Variants in IRAG1 observed in about 807,000 individuals in gnomAD.
The protein encoded by IRAG1 is IP3R-associated cGMP kinase substrate.
IRAG1 carries 62 observed loss-of-function variants against 106.2 expected under a neutral mutation model. The ratio of observed to expected loss-of-function variants is 0.58; its 90% CI spans 0.48 to 0.72. The LOEUF (loss-of-function observed/expected upper bound fraction) is 0.72. Among genes scored for constraint, IRAG1 ranks in the 30% least tolerant of loss-of-function variants. The pLI is 0.00. For missense variants in IRAG1, 1,064 were observed against 1,140.7 expected (o/e 0.93, Z 0.97); for synonymous variants, 462 against 443.9 (o/e 1.04, Z -0.51).
intron 1 of IRAG1, among the ~76,000 whole-genome samples, chr11:10,691,267 G>A (rs1862035519): frequency 6.6e-6 from 1 of 152,224 alleles, no homozygotes; most frequent in African/African-American, 2.4e-5. Flanking sequence ...CACTTCGTGT[G>A]CTCCCGGCAT....
rs534550951 is a variant in IRAG1, at chr11:10,606,866, G to A, written c.1572-94C>T. ...TGACCAGCAGACCATGTGTTTCCAG[G>A]GGTGGAGTAAGCTGTGTTGGTGAGA... is the stretch of plus-strand genomic sequence containing the variant. On this transcript the variant is annotated intron_variant, in intron 11 of 20. Transcript: ENST00000423302. 1,488 of 1,223,828 alleles carry A rather than the reference G, an allele frequency of 1.2e-3. 1 individual carries two copies. Among genetic ancestry groups the A allele is most frequent in the Non-Finnish European group, 1.4e-3 (1,227 of 884,674 alleles). 75.8% of individuals were successfully genotyped at this position (1,223,828 alleles called of 1,614,324 possible).
At chr11:10,672,319 CAAAAGA>C (rs1860299910) in intron 1 of IRAG1, among the ~76,000 whole-genome samples, 1 of 151,522 alleles carries the variant, frequency 6.6e-6, no homozygotes, top group Non-Finnish European at 1.5e-5. Flanking sequence ...ATGCAGGCAA[CAAAAGA>C]AAAAGTAAAT....
At position 10,576,541 on chromosome 11, in the gene IRAG1, T is replaced by G; in HGVS notation, c.2530A>C (p.Met844Leu). The G allele has an allele frequency of 6.2e-7, 1 of 1,614,026 alleles. No homozygotes were observed. The highest frequency in any genetic ancestry group is 8.5e-7 in the Non-Finnish European group (1 of 1,179,902). The stretch of plus-strand genomic sequence containing the variant: ...CAGTGCTGACACAGTTTGGGATACA[T>G]GACTTGTAAGAAATGGACCAATTCT... ...LEELVHFLQVMYPKLCQHWQV... is the reference protein window; with the variant it reads ...LEELVHFLQVLYPKLCQHWQV... Residue 844 changes from methionine (M) to leucine (L), a missense_variant, in exon 21 of 21, where the codon ATG (methionine) becomes CTG (leucine). Physicochemically the swap from Met to Leu is conservative, Grantham distance 15. Coordinates refer to ENST00000423302, the MANE Select transcript of IRAG1 (RefSeq NM_130385.4).
At position 10,601,074 on chromosome 11, in the gene IRAG1, C is replaced by T. The variant is rs751820664; in HGVS notation, c.1876-15G>A. 22 of 1,613,068 alleles carry T rather than the reference C, an allele frequency of 1.4e-5. No individual in the cohort carries two copies. The highest frequency in any genetic ancestry group is 1.2e-4 in the Admixed American group (7 of 60,000). Reference sequence around the variant, plus strand: ...ATGCGCTTTTCCTGCGGGGAAGGAGCGCATGAGTGCATGAGGCCATTGGAG... The same window carrying T: ...ATGCGCTTTTCCTGCGGGGAAGGAGTGCATGAGTGCATGAGGCCATTGGAG... On this transcript the variant is annotated splice_polypyrimidine_tract_variant and intron_variant, in intron 14 of 20. Coordinates refer to ENST00000423302, the MANE Select transcript of IRAG1 (RefSeq NM_130385.4).
chr11:10,616,888 A>G (rs1855474689), intron 10 of IRAG1: 2 of 305,524 alleles, frequency 6.5e-6, no homozygotes, highest in Non-Finnish European at 9.6e-6. Flanking sequence ...TTTCAAATAT[A>G]TCTCCCAGGA....
In IRAG1 at chr11:10,645,493, C is replaced by T. The variant is rs112741139; in HGVS notation, c.225+6532G>A. On this transcript the variant is annotated intron_variant, in intron 2 of 20. Transcript: ENST00000423302. The stretch of plus-strand genomic sequence containing the variant: ...GTTAAATGCTAGAAAACACTAGGAA[C>T]CTGTGTGTTAGTTTCTTTCCCTTCA... 1.2e-3 allele frequency among the ~76,000 whole-genome samples: 189 copies of T among 152,314 alleles called. 1 individual carries two copies. The highest frequency in any genetic ancestry group is 2.3e-3 in the Non-Finnish European group (158 of 68,040).
intron 10 of IRAG1, among the ~76,000 whole-genome samples, chr11:10,612,206 C>T (rs146239893): frequency 6.8e-4 from 104 of 152,246 alleles, no homozygotes; most frequent in African/African-American, 2.3e-3. Context: ...CGTTGGGAAG[C>T]ATTGGGTCAA....
intron 10 of IRAG1, among the ~76,000 whole-genome samples, chr11:10,617,705 C>A (rs776401230): frequency 2.6e-5 from 4 of 152,196 alleles, no homozygotes; most frequent in Non-Finnish European, 5.9e-5. Context: ...CCTCCTGTCT[C>A]ACAATTCATC....
At chr11:10,636,768 A>G (rs562410835) in intron 2 of IRAG1, among the ~76,000 whole-genome samples, 7 of 152,378 alleles carry the variant, frequency 4.6e-5, no homozygotes, top group African/African-American at 1.7e-4. Context: ...AGAAGACTCT[A>G]TAGAGGAGTG....
At chr11:10,599,083 G>A (rs1023182239) in intron 15 of IRAG1, among the ~76,000 whole-genome samples, 3 of 152,166 alleles carry the variant, frequency 2.0e-5, no homozygotes, top group Admixed American at 6.5e-5. Flanking sequence ...AGAAAAACAC[G>A]TACAGCTATC....
chr11:10,683,193 T>G (rs1249635354), intron 1 of IRAG1, among the ~76,000 whole-genome samples: 1 of 152,200 alleles, frequency 6.6e-6, no homozygotes, highest in African/African-American at 2.4e-5. Flanking sequence ...GTATGGGGAA[T>G]TCTACAGTGT....
intron 11 of IRAG1, among the ~76,000 whole-genome samples, chr11:10,609,194 T>A (rs1854732674): frequency 6.6e-6 from 1 of 152,118 alleles, no homozygotes; most frequent in East Asian, 1.9e-4. Flanking sequence ...TCCTACCCAA[T>A]GCCCCACTCT....
At chr11:10,627,508 A>AT (rs1856338482) in intron 8 of IRAG1, among the ~76,000 whole-genome samples, 1 of 151,350 alleles carries the variant, frequency 6.6e-6, no homozygotes, top group African/African-American at 2.4e-5. Context: ...CACGGAGTTC[A>AT]CCCCCCTGAA....
chr11:10,626,679 T>C (rs1856270151), intron 8 of IRAG1, 96 bp from the exon 9 acceptor site: 1 of 1,379,436 alleles, frequency 7.2e-7, no homozygotes, highest in Admixed American at 2.7e-5. Flanking sequence ...CCCACACACC[T>C]TGCCAAGGGG....
chr11:10,574,651 A>T lies in IRAG1; in HGVS notation c.*1681T>A, dbSNP rs1218177000. On this transcript the variant is annotated 3_prime_UTR_variant, in exon 21 of 21. Coordinates refer to ENST00000423302, the MANE Select transcript of IRAG1 (RefSeq NM_130385.4). ...AGAGTGACCTGAAGAAAAGAGAAGA[A>T]CAGCTGGAAAAAAAACTAGTGAGTG... The T allele has an allele frequency of 6.6e-6, 1 of 152,162 alleles. No homozygotes were observed. Among genetic ancestry groups the T allele is most frequent in the Non-Finnish European group, 1.5e-5 (1 of 68,070 alleles). 9.4% of individuals were successfully genotyped at this position (152,162 alleles called of 1,614,324 possible).
chr11:10,616,982 G>A lies in IRAG1; in HGVS notation c.1447+6796C>T, dbSNP rs1855483596. Reference sequence around the variant, plus strand: ...CTTTTGGAGCTCTGAAAGATGCTCTGAGTCCCAGGATGGTTCCTAAAAGTC... The same window carrying A: ...CTTTTGGAGCTCTGAAAGATGCTCTAAGTCCCAGGATGGTTCCTAAAAGTC... On this transcript the variant is annotated intron_variant, in intron 10 of 20. Coordinates refer to ENST00000423302, the MANE Select transcript of IRAG1 (RefSeq NM_130385.4). The A allele has an allele frequency of 3.1e-6, 3 of 973,830 alleles. No individual in the cohort carries two copies. In the South Asian group the frequency reaches 1.4e-4, roughly 46 times the overall value. The allele number at this position is 973,830 out of a possible 1,614,324, so 60.3% of individuals were successfully genotyped here. A position where few individuals can be genotyped will look rare whatever the true frequency, so the allele number is the denominator to read the frequency against.
intron 1 of IRAG1, among the ~76,000 whole-genome samples, chr11:10,680,457 G>A (rs1861141350): frequency 6.9e-6 from 1 of 144,476 alleles, no homozygotes; most frequent in Non-Finnish European, 1.5e-5. Flanking sequence ...AAGGGAAAGA[G>A]AAAGAAGGAA....
At chr11:10,586,162 G>A (rs1207078759) in intron 18 of IRAG1, 2 of 151,790 alleles carry the variant, frequency 1.3e-5, no homozygotes, top group African/African-American at 4.8e-5. Flanking sequence ...TACTGTGTGT[G>A]TGTGTGGAGG....
At chr11:10,594,125 G>A (rs1405665982) in intron 16 of IRAG1, 21 bp downstream of exon 16, 5 of 1,595,832 alleles carry the variant, frequency 3.1e-6, no homozygotes, top group Non-Finnish European at 3.4e-6. Flanking sequence ...AGGAGCCCTG[G>A]TATTCCTTGA....
Sources: allele counts gnomAD v4.1 joint callset (sites outside exome capture counted in the v4.1 genomes callset), GRCh38; gene constraint gnomAD v4.1.1; transcripts MANE v1.5; gene names NCBI Gene and HGNC (gene_info 2026-07-23, HGNC 2026-07-21).